The following ZNF804A variants were observed in gnomAD, a reference collection of about 807,000 sequenced individuals.
ZNF804A encodes the protein zinc finger protein 804A.
ZNF804A carries 2 observed loss-of-function variants against 16.5 expected under a neutral mutation model. The ratio of observed to expected loss-of-function variants is 0.12; its 90% CI spans 0.05 to 0.38. The LOEUF (loss-of-function observed/expected upper bound fraction) is 0.38. ZNF804A is among the 10% of genes least tolerant of loss of function. The pLI, the probability that ZNF804A is intolerant of heterozygous loss-of-function variation, is 0.99. For synonymous variants in ZNF804A, 534 were observed against 489.6 expected (o/e 1.09, Z -1.20); for missense variants, 1,473 against 1,390.7 (o/e 1.06, Z -0.94).
chr2:184,636,220 TG>T (rs1228595060), intron 1 of ZNF804A, among the ~76,000 whole-genome samples: 3 of 150,642 alleles, frequency 2.0e-5, no homozygotes, highest in Admixed American at 6.6e-5. Context: ...AGTGACTCAA[TG>T]GCTTTTTTTT....
At position 184,831,356 on chromosome 2, in the gene ZNF804A, TCA is replaced by T. The variant is rs147720062; in HGVS notation, c.112-35011_112-35010del. On this transcript the variant is annotated intron_variant, in intron 1 of 3. Coordinates refer to ENST00000302277, the MANE Select transcript of ZNF804A (RefSeq NM_194250.2). The stretch of plus-strand genomic sequence containing the variant: ...AGTATCACCTGCTCATGTGATTTAA[TCA>T]CTCTTTCTCTGAATGAAACTGATTG... Among the ~76,000 whole-genome samples, 798 of 152,188 alleles carry T rather than the reference TCA, an allele frequency of 5.2e-3. 3 individuals are homozygous for T. Among genetic ancestry groups the T allele is most frequent in the African/African-American group, 0.017 (726 of 41,554 alleles).
intron 1 of ZNF804A, among the ~76,000 whole-genome samples, chr2:184,789,671 C>G (rs1328511919): frequency 6.6e-6 from 1 of 152,002 alleles, no homozygotes; most frequent in African/African-American, 2.4e-5. Flanking sequence ...TCTCTGGTAA[C>G]AGTTGTGATA....
chr2:184,616,498 A>C (rs1691322413), intron 1 of ZNF804A, among the ~76,000 whole-genome samples: 1 of 152,130 alleles, frequency 6.6e-6, no homozygotes, highest in Admixed American at 6.6e-5. Flanking sequence ...AATAAAAGCT[A>C]TTATTTTTAC....
chr2:184,788,306 T>C (rs1016009374), intron 1 of ZNF804A, among the ~76,000 whole-genome samples: 2 of 152,062 alleles, frequency 1.3e-5, no homozygotes, highest in African/African-American at 4.8e-5. Flanking sequence ...TGCTTTGGAA[T>C]GCTGTAGGTG....
intron 1 of ZNF804A, among the ~76,000 whole-genome samples, chr2:184,752,290 T>C (rs964775340): frequency 1.3e-4 from 20 of 151,670 alleles, no homozygotes; most frequent in Admixed American, 1.2e-3. Context: ...CATGGAATAC[T>C]ACACAGCGAC....
intron 1 of ZNF804A, among the ~76,000 whole-genome samples, chr2:184,831,686 A>T (rs1695263863): frequency 6.6e-6 from 1 of 151,762 alleles, no homozygotes; most frequent in African/African-American, 2.4e-5. Flanking sequence ...TGAATTAATC[A>T]CTCACATCTG....
At chr2:184,691,875 C>G (rs557889580) in intron 1 of ZNF804A, among the ~76,000 whole-genome samples, 17 of 151,902 alleles carry the variant, frequency 1.1e-4, no homozygotes, top group African/African-American at 3.9e-4. Context: ...ATTAAAAGAA[C>G]TGGAACAGAT....
At chr2:184,629,826 C>G (rs763490761) in intron 1 of ZNF804A, among the ~76,000 whole-genome samples, 1 of 152,108 alleles carries the variant, frequency 6.6e-6, no homozygotes, top group Non-Finnish European at 1.5e-5. Flanking sequence ...AGAAAGAAGA[C>G]TATGACAGGG....
At chr2:184,798,053 T>TGA (rs1694664208) in intron 1 of ZNF804A, among the ~76,000 whole-genome samples, 1 of 144,718 alleles carries the variant, frequency 6.9e-6, no homozygotes, top group Non-Finnish European at 1.5e-5. Flanking sequence ...TGTGTGTGTG[T>TGA]GAAGATAGGG....
At chr2:184,714,696 C>T (rs561742683) in intron 1 of ZNF804A, among the ~76,000 whole-genome samples, 1 of 152,186 alleles carries the variant, frequency 6.6e-6, no homozygotes, top group South Asian at 2.1e-4. Flanking sequence ...AACTTGTCTA[C>T]ATAGTTGTAT....
At chr2:184,676,655 G>C (rs1319612828) in intron 1 of ZNF804A, among the ~76,000 whole-genome samples, 2 of 151,612 alleles carry the variant, frequency 1.3e-5, no homozygotes, top group Non-Finnish European at 3.0e-5. Flanking sequence ...TCTGAAAGCT[G>C]TTTGTAGCAC....
At chr2:184,789,966 C>T (rs1574213502) in intron 1 of ZNF804A, among the ~76,000 whole-genome samples, 1 of 151,942 alleles carries the variant, frequency 6.6e-6, no homozygotes, top group South Asian at 2.1e-4. Flanking sequence ...ACATTTAATG[C>T]TATAAATTTT....
intron 2 of ZNF804A, among the ~76,000 whole-genome samples, chr2:184,884,766 T>C (rs1684859897): frequency 6.6e-6 from 1 of 152,072 alleles, no homozygotes; most frequent in South Asian, 2.1e-4. Flanking sequence ...AGGAAATAAA[T>C]ATAATTCTGT....
At chr2:184,741,057 C>G (rs1693702610) in intron 1 of ZNF804A, among the ~76,000 whole-genome samples, 1 of 152,136 alleles carries the variant, frequency 6.6e-6, no homozygotes, top group Non-Finnish European at 1.5e-5. Flanking sequence ...AATACTCTCA[C>G]TTTTGACACC....
intron 1 of ZNF804A, among the ~76,000 whole-genome samples, chr2:184,635,419 C>G (rs7591757): frequency 0.12 from 18,980 of 152,042 alleles, 1,269 homozygotes; most frequent in Middle Eastern, 0.23. Context: ...TACTGCTGTT[C>G]AAGATATTAT....
intron 1 of ZNF804A, among the ~76,000 whole-genome samples, chr2:184,738,862 T>A (rs762222130): frequency 6.6e-6 from 1 of 152,214 alleles, no homozygotes; most frequent in Non-Finnish European, 1.5e-5. Flanking sequence ...ATGTATGTTT[T>A]GCAGATATAA....
intron 1 of ZNF804A, among the ~76,000 whole-genome samples, chr2:184,617,147 A>G (rs967872069): frequency 1.1e-4 from 17 of 152,278 alleles, no homozygotes; most frequent in Admixed American, 6.5e-4. Context: ...TAAAGGACAT[A>G]ATTTTAAAAT....
chr2:184,865,848 G>A lies in ZNF804A; in HGVS notation c.112-521G>A, dbSNP rs116819885. On this transcript the variant is annotated intron_variant, in intron 1 of 3. Transcript: ENST00000302277. ...GTTCATTCTAAATTGATATGGGTCA[G>A]GATAAAAAAAAATCAGTCCAGTTAA... 7.4e-3 allele frequency among the ~76,000 whole-genome samples: 1,129 copies of A among 151,562 alleles called. 16 individuals carry two copies. The highest frequency in any genetic ancestry group is 0.026 in the African/African-American group (1,073 of 41,352).
intron 1 of ZNF804A, among the ~76,000 whole-genome samples, chr2:184,863,586 A>G (rs1367524003): frequency 6.6e-6 from 1 of 152,006 alleles, no homozygotes; most frequent in African/African-American, 2.4e-5. Flanking sequence ...ACATAATAAG[A>G]GCTAATCAAA....
Sources: gnomAD v4.1 joint callset for allele counts (sites outside exome capture counted in the v4.1 genomes callset) on GRCh38, gnomAD v4.1.1 for gene constraint, MANE v1.5 for transcripts, NCBI Gene and HGNC (gene_info 2026-07-23, HGNC 2026-07-21) for gene names.